CAP1: variants seen among roughly 807,000 people sequenced by gnomAD.
The protein encoded by CAP1 is cyclase associated actin cytoskeleton regulatory protein 1.
Under a neutral mutation model 58.2 loss-of-function variants are expected in CAP1, and 11 were observed. That is an observed-to-expected ratio of 0.19 (90% CI 0.12 to 0.31). The LOEUF (loss-of-function observed/expected upper bound fraction) is 0.31. CAP1 is among the 10% of genes least tolerant of loss of function. The pLI, the probability that CAP1 is intolerant of heterozygous loss-of-function variation, is 1.00. For missense variants in CAP1, 423 were observed against 587.5 expected, an observed-to-expected ratio of 0.72 and a Z score of 2.89; for synonymous variants, 183 against 213.8, an observed-to-expected ratio of 0.86 and a Z score of 1.26.
rs1647078396 is a variant in CAP1, at chr1:40,066,315, A to C, written c.625A>C (p.Lys209Gln). The C allele has an allele frequency of 6.4e-7, 1 of 1,573,338 alleles. No homozygotes were observed. The highest frequency in any genetic ancestry group is 8.7e-7 in the Non-Finnish European group (1 of 1,142,894). Reference protein sequence around the residue: ...EFHTTGLAWSKTGPVAKELSG... With the variant: ...EFHTTGLAWSQTGPVAKELSG... ...CCATACCACCGGACTGGCCTGGAGC[A>C]AAACGGTTAGTGAATCCTTCCTCCC... Residue 209 changes from lysine to glutamine, a missense_variant, in exon 7 of 13, where the codon AAA (lysine) becomes CAA (glutamine). Transcript: ENST00000372805.
intron 1 of CAP1, among the ~76,000 whole-genome samples, chr1:40,052,379 C>T (rs555757054): frequency 6.6e-6 from 1 of 152,212 alleles, no homozygotes; most frequent in South Asian, 2.1e-4. Flanking sequence ...GTAATTTTGA[C>T]CACCTGTGTT....
chr1:40,047,283 A>G (rs1156260576), intron 1 of CAP1, among the ~76,000 whole-genome samples: 3 of 152,202 alleles, frequency 2.0e-5, no homozygotes, highest in Non-Finnish European at 4.4e-5. Flanking sequence ...TTCTTGATGT[A>G]CTATATGTTA....
intron 1 of CAP1, among the ~76,000 whole-genome samples, chr1:40,042,278 G>A (rs1212325868): frequency 2.0e-5 from 3 of 152,204 alleles, no homozygotes; most frequent in Non-Finnish European, 4.4e-5. Flanking sequence ...CAGTGGGAGA[G>A]GAAATAGACA....
chr1:40,070,216 G>T lies in CAP1; in HGVS notation c.1051G>T (p.Ala351Ser), dbSNP rs1320262312. ...TGAGGACACAGAGCTGAAACAGGTG[G>T]CTTACATATACAAGTGTGTCAACAC... The part of the protein sequence containing the change: ...VIEDTELKQV[A>S]YIYKCVNTTL... Residue 351 changes from alanine (A) to serine (S), a missense_variant, in exon 10 of 13, where the codon GCT (alanine) becomes TCT (serine). Transcript: ENST00000372805. The T allele has an allele frequency of 1.2e-6, 2 of 1,614,178 alleles. No homozygotes were observed. The highest frequency in any genetic ancestry group is 1.1e-5 in the South Asian group (1 of 91,084).
upstream of CAP1, chr1:40,040,248 G>C (rs1343303045): frequency 6.6e-6 from 1 of 151,760 alleles, no homozygotes; most frequent in Non-Finnish European, 1.5e-5. Flanking sequence ...GCGTGGCCTC[G>C]ATCACCACCG....
At chr1:40,046,380 G>A (rs776691716) in intron 1 of CAP1, among the ~76,000 whole-genome samples, 29 of 152,112 alleles carry the variant, frequency 1.9e-4, no homozygotes, top group African/African-American at 6.0e-4. Context: ...ACTTGAACCC[G>A]GGGAGGTGGA....
intron 1 of CAP1, among the ~76,000 whole-genome samples, chr1:40,058,800 T>G (rs1163589914): frequency 4.6e-5 from 7 of 152,068 alleles, no homozygotes; most frequent in Non-Finnish European, 1.0e-4. Context: ...GGCAGCAGGA[T>G]GTTGTAGGAA....
At chr1:40,069,520 C>A in intron 8 of CAP1, 170 bp from the exon 9 acceptor site, 1 of 642,458 alleles carries the variant, frequency 1.6e-6, no homozygotes, top group Non-Finnish European at 2.8e-6. Flanking sequence ...ATAATTTAAT[C>A]TTGGGGAGAA....
intron 1 of CAP1, among the ~76,000 whole-genome samples, chr1:40,042,373 C>T (rs1396426994): frequency 6.6e-6 from 1 of 152,200 alleles, no homozygotes; most frequent in Non-Finnish European, 1.5e-5. Flanking sequence ...GCCAGGTGCC[C>T]AGGGTTCCAG....
At chr1:40,062,773 T>TGTG (rs111329903) in intron 4 of CAP1, among the ~76,000 whole-genome samples, 1 of 145,526 alleles carries the variant, frequency 6.9e-6, no homozygotes, top group Non-Finnish European at 1.5e-5. Flanking sequence ...TCAAAAAACA[T>TGTG]TGTGTGTGTG....
Position 40,070,209 on chromosome 1 carries a change from A to G in CAP1, c.1044A>G (p.Lys348=), listed in dbSNP as rs746408993. 6.2e-7 allele frequency: 1 copy of G among 1,614,204 alleles called. No homozygotes were observed. Among genetic ancestry groups the G allele is most frequent in the Non-Finnish European group, 8.5e-7 (1 of 1,180,034 alleles). The change falls in exon 10 of 13, where the codon AAA becomes AAG. Residue 348 remains lysine, a synonymous_variant. Coordinates refer to ENST00000372805, the MANE Select transcript of CAP1 (RefSeq NM_006367.4). The part of the protein sequence containing the change: ...SNLVIEDTEL[K]QVAYIYKCVN... The stretch of plus-strand genomic sequence containing the variant: ...TGGTGATTGAGGACACAGAGCTGAA[A>G]CAGGTGGCTTACATATACAAGTGTG...
chr1:40,040,765 G>A lies in CAP1; in HGVS notation c.-47G>A, dbSNP rs2124082470. On this transcript the variant is annotated 5_prime_UTR_variant, in exon 1 of 13. Coordinates refer to ENST00000372805, the MANE Select transcript of CAP1 (RefSeq NM_006367.4). ...GCGGTTCTTGCCGGAAGCGGAGAGC[G>A]GCTGATCGCAGTCCGGAGGTGAGGC... 6.5e-6 allele frequency: 1 copy of A among 153,138 alleles called. No individual in the cohort carries two copies. Among genetic ancestry groups the A allele is most frequent in the Admixed American group, 6.5e-5 (1 of 15,314 alleles). The allele number at this position is 153,138 out of a possible 1,614,324, so 9.5% of individuals were successfully genotyped here.
chr1:40,071,742 A>G lies in CAP1; in HGVS notation c.*209A>G, dbSNP rs1172343072. The G allele has an allele frequency of 1.8e-6, 1 of 561,314 alleles. No individual in the cohort carries two copies. The highest frequency in any genetic ancestry group is 1.9e-5 in the African/African-American group (1 of 53,156). 34.8% of individuals were successfully genotyped at this position (561,314 alleles called of 1,614,324 possible). On this transcript the variant is annotated 3_prime_UTR_variant, in exon 13 of 13. Coordinates refer to ENST00000372805, the MANE Select transcript of CAP1 (RefSeq NM_006367.4). The stretch of plus-strand genomic sequence containing the variant: ...CAGTTGATCTTCTGCAGGAAGGTGC[A>G]GCTTTTCCATATCAGCTCAACCACG...
intron 7 of CAP1, among the ~76,000 whole-genome samples, chr1:40,066,576 A>T (rs1647095208): frequency 6.6e-6 from 1 of 152,234 alleles, no homozygotes; most frequent in South Asian, 2.1e-4. Flanking sequence ...GGAGCAGGAG[A>T]CACACACAAA....
chr1:40,044,986 C>T (rs775780424), intron 1 of CAP1, among the ~76,000 whole-genome samples: 3 of 151,530 alleles, frequency 2.0e-5, no homozygotes, highest in African/African-American at 4.8e-5. Context: ...TTAGTATAGA[C>T]GGGGTTTCAC....
intron 1 of CAP1, among the ~76,000 whole-genome samples, chr1:40,054,815 A>G (rs1008383090): frequency 6.6e-6 from 1 of 151,902 alleles, no homozygotes; most frequent in Admixed American, 6.6e-5. Context: ...TAATTTTTGT[A>G]TGTTTAGTAG....
intron 1 of CAP1, among the ~76,000 whole-genome samples, chr1:40,056,208 G>A (rs1175448102): frequency 1.3e-5 from 2 of 152,050 alleles, no homozygotes; most frequent in Non-Finnish European, 2.9e-5. Context: ...TGATAGCAGT[G>A]CTGGAGCAAT....
intron 8 of CAP1, among the ~76,000 whole-genome samples, chr1:40,068,348 G>A (rs3131665): frequency 0.54 from 82,417 of 151,778 alleles, 24,083 homozygotes; most frequent in Non-Finnish European, 0.67. Flanking sequence ...TCGGCTCACC[G>A]CAACCTCCAC....
chr1:40,057,683 A>T (rs1371062952), intron 1 of CAP1, among the ~76,000 whole-genome samples: 2 of 152,164 alleles, frequency 1.3e-5, no homozygotes, highest in African/African-American at 4.8e-5. Flanking sequence ...TTAAATTGAG[A>T]TAATTCTGGC....
Sources: allele counts gnomAD v4.1 joint callset (sites outside exome capture counted in the v4.1 genomes callset), GRCh38; gene constraint gnomAD v4.1.1; transcripts MANE v1.5; gene names NCBI Gene and HGNC (gene_info 2026-07-23, HGNC 2026-07-21).